The following FOXN3 variants were observed in gnomAD, a reference collection of about 807,000 sequenced individuals.
The protein encoded by FOXN3 is forkhead box N3.
In FOXN3, 7 loss-of-function variants were observed where a neutral mutation model predicts 38.4. The observed-to-expected ratio is 0.18, with a 90% CI of 0.10 to 0.34. The LOEUF (loss-of-function observed/expected upper bound fraction) is 0.34, where lower values mean the gene tolerates loss of function less well. FOXN3 is among the 10% of genes least tolerant of loss of function. The pLI is 1.00. For missense variants in FOXN3, 456 were observed against 613.4 expected, an observed-to-expected ratio of 0.74 and a Z score of 2.71; for synonymous variants, 230 against 242.2, an observed-to-expected ratio of 0.95 and a Z score of 0.47.
chr14:89,162,849 C>G lies in FOXN3; in HGVS notation c.972G>C (p.Arg324=), dbSNP rs1887141444. 6.2e-7 allele frequency: 1 copy of G among 1,611,470 alleles called. No individual in the cohort carries two copies. Among genetic ancestry groups the G allele is most frequent in the African/African-American group, 1.3e-5 (1 of 74,872 alleles). The change falls in exon 6 of 6, where the codon CGG becomes CGC. Residue 324 remains arginine, a synonymous_variant. Coordinates refer to ENST00000557258, the MANE Select transcript of FOXN3 (RefSeq NM_005197.4). The surrounding 1 kb of genome is among the most constrained non-coding windows in gnomAD (Gnocchi z 7.2). ...NYSSAKSSNA[R]STSPTSDSIS... ...TGGAGTCGCTGGTGGGCGAGGTGCTCCGGGCGTTGGAGGACTTGGCACTGC... is the reference window on the plus strand; with the variant it reads ...TGGAGTCGCTGGTGGGCGAGGTGCTGCGGGCGTTGGAGGACTTGGCACTGC...
At chr14:89,500,754 TCCTGGAGCAG>T (rs1893780890) in intron 1 of FOXN3, among the ~76,000 whole-genome samples, 1 of 152,184 alleles carries the variant, frequency 6.6e-6, no homozygotes. Flanking sequence ...GTGGCTTTGT[TCCTGGAGCAG>T]CCATCCCGCA....
intron 4 of FOXN3, among the ~76,000 whole-genome samples, chr14:89,253,582 G>GC (rs1885528422): frequency 6.6e-6 from 1 of 152,134 alleles, no homozygotes; most frequent in Non-Finnish European, 1.5e-5. Flanking sequence ...GCTGGTGGGG[G>GC]CTCCTTTCTT....
chr14:89,284,634 T>C (rs1437423388), intron 3 of FOXN3: 1 of 451,444 alleles, frequency 2.2e-6, no homozygotes, highest in Non-Finnish European at 4.4e-6. Context: ...GGGCTCCTAT[T>C]AGCAGAAACA....
intron 4 of FOXN3, among the ~76,000 whole-genome samples, chr14:89,222,069 G>A (rs891562169): frequency 4.6e-5 from 7 of 152,208 alleles, no homozygotes; most frequent in African/African-American, 1.7e-4. Flanking sequence ...GCCCGCCTCG[G>A]CCTCCCAAAG....
rs192971648 is a variant in FOXN3, at chr14:89,442,910, T to G, written c.-14-30420A>C. Among the ~76,000 whole-genome samples, 31 of 152,346 alleles carry G rather than the reference T, an allele frequency of 2.0e-4. 1 individual carries two copies. Among genetic ancestry groups the G allele is most frequent in the Admixed American group, 1.8e-3 (27 of 15,298 alleles). On this transcript the variant is annotated intron_variant, in intron 1 of 6. Transcript: ENST00000345097. ...CACTACAGTGCCAGAATACTACAGTTGCAACAGAGACCATATAGCCTGCAA... is the reference window on the plus strand; with the variant it reads ...CACTACAGTGCCAGAATACTACAGTGGCAACAGAGACCATATAGCCTGCAA...
intron 3 of FOXN3, among the ~76,000 whole-genome samples, chr14:89,286,028 G>A (rs986464044): frequency 2.6e-5 from 4 of 151,846 alleles, no homozygotes; most frequent in Non-Finnish European, 4.4e-5. Context: ...CACTATGCCT[G>A]GCTAAGTTTT....
chr14:89,552,147 G>C (rs920038777), intron 1 of FOXN3, among the ~76,000 whole-genome samples: 1 of 152,178 alleles, frequency 6.6e-6, no homozygotes, highest in African/African-American at 2.4e-5. Flanking sequence ...TGCTTCCATA[G>C]TACATGATGT....
intron 1 of FOXN3, among the ~76,000 whole-genome samples, chr14:89,477,404 A>T (rs1209223547): frequency 6.6e-6 from 1 of 152,192 alleles, no homozygotes; most frequent in Admixed American, 6.5e-5. Flanking sequence ...TTATAAAGCC[A>T]TCTTAAAAAA....
chr14:89,213,841 A>C (rs1373298509), intron 4 of FOXN3, among the ~76,000 whole-genome samples: 1 of 152,232 alleles, frequency 6.6e-6, no homozygotes, highest in African/African-American at 2.4e-5. Context: ...ATTGTGGTGC[A>C]GTTGCTTAAG....
intron 3 of FOXN3, among the ~76,000 whole-genome samples, chr14:89,297,284 C>T (rs967310091): frequency 2.0e-5 from 3 of 151,994 alleles, no homozygotes; most frequent in Non-Finnish European, 2.9e-5. Context: ...ACATAGGGGC[C>T]GGGCGCGGTG....
At chr14:89,390,313 C>CTCTA (rs369892007) in intron 2 of FOXN3, among the ~76,000 whole-genome samples, 115 of 143,544 alleles carry the variant, frequency 8.0e-4, no homozygotes, top group Admixed American at 2.3e-3. Context: ...CTCTCTCTCT[C>CTCTA]TATATATATA....
chr14:89,576,590 G>GA (rs1216554860), intron 1 of FOXN3: 69 of 151,566 alleles, frequency 4.6e-4, no homozygotes, highest in African/African-American at 1.7e-3. Context: ...AAATTAAGAT[G>GA]AAAATACCAT....
chr14:89,378,333 A>G (rs1438419441), intron 2 of FOXN3, among the ~76,000 whole-genome samples: 2 of 152,212 alleles, frequency 1.3e-5, no homozygotes, highest in African/African-American at 4.8e-5. Context: ...ATACCCAGAC[A>G]TGCTGGAATC....
intron 3 of FOXN3, among the ~76,000 whole-genome samples, chr14:89,321,079 G>A (rs563668962): frequency 1.3e-4 from 19 of 151,940 alleles, no homozygotes; most frequent in Middle Eastern, 3.4e-3. Flanking sequence ...CTTGAGGCCA[G>A]TAGTTCAATA....
chr14:89,258,791 T>C (rs1885706219), intron 4 of FOXN3, among the ~76,000 whole-genome samples: 1 of 152,202 alleles, frequency 6.6e-6, no homozygotes, highest in Non-Finnish European at 1.5e-5. Flanking sequence ...TTAAAACGAG[T>C]ATGAAGGTTC....
chr14:89,519,797 G>A (rs1018796186), intron 1 of FOXN3, among the ~76,000 whole-genome samples: 3 of 152,154 alleles, frequency 2.0e-5, no homozygotes, highest in African/African-American at 7.2e-5. Context: ...GTTAGGAAAG[G>A]AGTGGACAGT....
rs149592033 is a variant in FOXN3, at chr14:89,538,008, A to G, written c.-15+81020T>C. ...ACTATCCTTTCTTCTGAGGCTTTCA[A>G]TTGGAACTGAAAACACAATTACTAA... On this transcript the variant is annotated intron_variant, in intron 1 of 6. Coordinates refer to the FOXN3 transcript ENST00000345097. 3.0e-3 allele frequency among the ~76,000 whole-genome samples: 464 copies of G among 152,340 alleles called. 2 individuals carry two copies. The highest frequency in any genetic ancestry group is 0.011 in the African/African-American group (439 of 41,574).
chr14:89,257,873 C>A (rs1312866022), intron 4 of FOXN3, among the ~76,000 whole-genome samples: 2 of 152,132 alleles, frequency 1.3e-5, no homozygotes, highest in Non-Finnish European at 2.9e-5. Context: ...CAATGCAAAG[C>A]GAGTGGCATG....
At chr14:89,260,198 C>A (rs1258042718) in intron 4 of FOXN3, among the ~76,000 whole-genome samples, 1 of 152,264 alleles carries the variant, frequency 6.6e-6, no homozygotes, top group African/African-American at 2.4e-5. Context: ...GCTTACGTAA[C>A]TGCTCCTCCA....
Sources: allele counts gnomAD v4.1 joint callset (sites outside exome capture counted in the v4.1 genomes callset), GRCh38; gene constraint gnomAD v4.1.1; non-coding constraint Gnocchi (gnomAD v3.1); transcripts MANE v1.5; gene names NCBI Gene and HGNC (gene_info 2026-07-23, HGNC 2026-07-21).